CLSTN2: variants seen among roughly 807,000 people sequenced by gnomAD.
CLSTN2 encodes the protein calsyntenin 2.
CLSTN2 carries 48 observed loss-of-function variants against 101.2 expected under a neutral mutation model. That is an observed-to-expected ratio of 0.47 (90% CI 0.38 to 0.60). The LOEUF (loss-of-function observed/expected upper bound fraction) is 0.60. CLSTN2 is among the 20% of genes least tolerant of loss of function. The pLI, the probability that CLSTN2 is intolerant of heterozygous loss-of-function variation, is 0.00. For missense variants in CLSTN2, 1,160 were observed against 1,238.2 expected (o/e 0.94, Z 0.95); for synonymous variants, 481 against 463.6 (o/e 1.04, Z -0.48).
chr3:140,466,576 C>T (rs1248333338), intron 7 of CLSTN2, 34 bp from the exon 8 acceptor site: 1 of 1,613,538 alleles, frequency 6.2e-7, no homozygotes, highest in Admixed American at 1.7e-5. Context: ...CACAGGGGTT[C>T]TCTCACTCTT....
At chr3:139,973,333 C>T (rs1010702037) in intron 1 of CLSTN2, among the ~76,000 whole-genome samples, 11 of 152,214 alleles carry the variant, frequency 7.2e-5, no homozygotes, top group Non-Finnish European at 1.6e-4. Flanking sequence ...GCATCAAGTT[C>T]CAGCCACAGG....
intron 1 of CLSTN2, among the ~76,000 whole-genome samples, chr3:140,124,644 G>T (rs1158305440): frequency 6.6e-6 from 1 of 152,166 alleles, no homozygotes; most frequent in Non-Finnish European, 1.5e-5. Context: ...GGGCCAGGAG[G>T]AGATATGGGG....
At chr3:140,344,760 C>T (rs763607809) in intron 2 of CLSTN2, among the ~76,000 whole-genome samples, 5 of 152,180 alleles carry the variant, frequency 3.3e-5, no homozygotes, top group African/African-American at 7.2e-5. Context: ...TTGAATTGAC[C>T]TGTCTTTATC....
At chr3:140,301,544 G>A (rs993015119) in intron 2 of CLSTN2, among the ~76,000 whole-genome samples, 6 of 152,166 alleles carry the variant, frequency 3.9e-5, no homozygotes, top group African/African-American at 1.4e-4. Context: ...ACTGTTCATC[G>A]ATAAGCAAAA....
chr3:140,460,876 T>A (rs1156846076), intron 7 of CLSTN2: 1 of 152,232 alleles, frequency 6.6e-6, no homozygotes, highest in Non-Finnish European at 1.5e-5. Flanking sequence ...GGGCTGAAGC[T>A]CGGCCTCTGC....
At chr3:140,269,211 G>A (rs1420371677) in intron 2 of CLSTN2, among the ~76,000 whole-genome samples, 3 of 152,170 alleles carry the variant, frequency 2.0e-5, no homozygotes, top group African/African-American at 7.2e-5. Context: ...TCCTTTGGGT[G>A]GTACCTTGCT....
chr3:140,376,023 A>T (rs183791988), intron 2 of CLSTN2, among the ~76,000 whole-genome samples: 1 of 152,326 alleles, frequency 6.6e-6, no homozygotes. Flanking sequence ...TTAGAAATGA[A>T]AAGTTATCAA....
chr3:139,973,606 T>C (rs1935759108), intron 1 of CLSTN2, among the ~76,000 whole-genome samples: 1 of 152,044 alleles, frequency 6.6e-6, no homozygotes, highest in African/African-American at 2.4e-5. Flanking sequence ...AAAATGGTAC[T>C]CTTTCTCTCT....
chr3:140,113,251 T>C (rs1379202008), intron 1 of CLSTN2, among the ~76,000 whole-genome samples: 2 of 152,144 alleles, frequency 1.3e-5, no homozygotes, highest in Admixed American at 1.3e-4. Flanking sequence ...CTAATTGATA[T>C]CAAATTCTGA....
chr3:140,082,039 G>A (rs930319529), intron 1 of CLSTN2, among the ~76,000 whole-genome samples: 1 of 152,138 alleles, frequency 6.6e-6, no homozygotes, highest in Admixed American at 6.5e-5. Flanking sequence ...AAGACAACAA[G>A]CCTATTAGAG....
chr3:140,338,567 C>CCA (rs1454576822), intron 2 of CLSTN2, among the ~76,000 whole-genome samples: 1 of 147,024 alleles, frequency 6.8e-6, no homozygotes, highest in African/African-American at 2.7e-5. Flanking sequence ...TGTCCAGTCC[C>CCA]CCCCCGGCCT....
At chr3:140,086,228 G>A (rs545515582) in intron 1 of CLSTN2, among the ~76,000 whole-genome samples, 8 of 152,222 alleles carry the variant, frequency 5.3e-5, no homozygotes, top group East Asian at 1.9e-4. Flanking sequence ...ATCTCTGTTC[G>A]GTGATAACGA....
intron 1 of CLSTN2, among the ~76,000 whole-genome samples, chr3:140,028,695 G>T (rs1363429651): frequency 6.6e-6 from 1 of 152,148 alleles, no homozygotes; most frequent in Admixed American, 6.5e-5. Flanking sequence ...GAGAATCCCC[G>T]GCGCCAAGGC....
At chr3:140,173,539 T>C (rs958166594) in intron 1 of CLSTN2, among the ~76,000 whole-genome samples, 1 of 152,224 alleles carries the variant, frequency 6.6e-6, no homozygotes, top group Non-Finnish European at 1.5e-5. Context: ...GTAGGGACTC[T>C]GTGTGGGGGC....
intron 1 of CLSTN2, among the ~76,000 whole-genome samples, chr3:140,018,804 G>A (rs2007250179): frequency 6.6e-6 from 1 of 152,188 alleles, no homozygotes; most frequent in African/African-American, 2.4e-5. Flanking sequence ...TCAAGATAAG[G>A]AGATAAGCTA....
At chr3:140,138,804 A>T (rs1285023740) in intron 1 of CLSTN2, among the ~76,000 whole-genome samples, 1 of 152,164 alleles carries the variant, frequency 6.6e-6, no homozygotes, top group Non-Finnish European at 1.5e-5. Flanking sequence ...GTAGAAGATG[A>T]GCCCCTTTCT....
chr3:140,544,877 T>C (rs1237833650), intron 9 of CLSTN2, among the ~76,000 whole-genome samples: 1 of 151,974 alleles, frequency 6.6e-6, no homozygotes, highest in African/African-American at 2.4e-5. Flanking sequence ...ATTTGCCTAA[T>C]CTAAGCTATT....
intron 1 of CLSTN2, among the ~76,000 whole-genome samples, chr3:139,956,791 T>C (rs1935409656): frequency 6.6e-6 from 1 of 152,168 alleles, no homozygotes; most frequent in Admixed American, 6.5e-5. Context: ...AAAAATATCT[T>C]AATTAAAAAA....
At chr3:140,145,597 G>A (rs546303685) in intron 1 of CLSTN2, among the ~76,000 whole-genome samples, 38 of 152,358 alleles carry the variant, frequency 2.5e-4, no homozygotes, top group African/African-American at 8.2e-4. Context: ...GGGAAATTAA[G>A]CTTTGCTTTC....
Sources: allele counts gnomAD v4.1 joint callset (sites outside exome capture counted in the v4.1 genomes callset), GRCh38; gene constraint gnomAD v4.1.1; transcripts MANE v1.5; gene names NCBI Gene and HGNC (gene_info 2026-07-23, HGNC 2026-07-21).